GIT2: variants seen among roughly 807,000 people sequenced by gnomAD.
The protein encoded by GIT2 is GIT ArfGAP 2.
GIT2 carries 32 observed loss-of-function variants against 100.3 expected under a neutral mutation model. The observed-to-expected ratio is 0.32, with a 90% CI of 0.24 to 0.43. GIT2 has a LOEUF of 0.43. Ranked by LOEUF, GIT2 falls within the 20% of genes least tolerant of loss-of-function variation. The pLI, the probability that GIT2 is intolerant of heterozygous loss-of-function variation, is 1.00. For missense variants in GIT2, 737 were observed against 975.1 expected, an observed-to-expected ratio of 0.76 and a Z score of 3.25; for synonymous variants, 353 against 364.1, an observed-to-expected ratio of 0.97 and a Z score of 0.35.
Position 109,987,853 on chromosome 12 carries a change from T to C in GIT2, c.405+1110A>G, listed in dbSNP as rs74928838. Among the ~76,000 whole-genome samples, 380 of 152,352 alleles carry C rather than the reference T, an allele frequency of 2.5e-3. 16 individuals carry two copies. The East Asian group carries it at 0.071, about 28-fold the overall frequency. ...TATCCAAGGCAGCGCTTTGAAAATA[T>C]GCACATTTCTTACAGCATCTCTCAA... On this transcript the variant is annotated intron_variant, in intron 4 of 19. Transcript: ENST00000355312.
intron 12 of GIT2, among the ~76,000 whole-genome samples, chr12:109,955,391 G>C (rs1879151025): frequency 6.6e-6 from 1 of 152,170 alleles, no homozygotes; most frequent in Non-Finnish European, 1.5e-5. Context: ...CTCCCAAAGT[G>C]CTGGGATTAC....
At chr12:109,999,562 G>A (rs887813480), upstream of GIT2, 2 of 666,528 alleles carry the variant, frequency 3.0e-6, no homozygotes, top group Non-Finnish European at 2.1e-6. This position sits in a 1 kb window ranked among gnomAD's most constrained non-coding sequence, Gnocchi z 4.3. Context: ...GGCTCAGCCG[G>A]CCGGCAGCGT....
chr12:109,953,398 T>G (rs1188462657), intron 12 of GIT2, 164 bp from the exon 13 acceptor site: 3 of 644,160 alleles, frequency 4.7e-6, no homozygotes, highest in Middle Eastern at 8.5e-4. Flanking sequence ...GGAGGAGAAC[T>G]GCTTGAGGCC....
chr12:109,985,257 T>C (rs1471856919), intron 4 of GIT2, among the ~76,000 whole-genome samples: 1 of 152,088 alleles, frequency 6.6e-6, no homozygotes, highest in Admixed American at 6.6e-5. Context: ...GATGTGCCAC[T>C]GTGCCTAATT....
At position 109,947,283 on chromosome 12, in the gene GIT2, C is replaced by A; in HGVS notation, c.1614G>T (p.Arg538Ser). The A allele has an allele frequency of 6.2e-7, 1 of 1,614,108 alleles. No homozygotes were observed. Among genetic ancestry groups the A allele is most frequent in the East Asian group, 2.2e-5 (1 of 44,884 alleles). ...MGEASRPEES[R>S]MRLQPFPAHI... is the part of the protein sequence containing the mutation. ...GCGCGGGGAAGGGCTGGAGTCTCAT[C>A]CTGCTCTCTTCGGGGCGGCTCGCTT... The change falls in exon 15 of 20, where the codon AGG becomes AGT. Residue 538 changes from arginine to serine, a missense_variant. This residue lies in a region of GIT2 where 451 missense variants were observed against 543.7 expected (regional missense o/e 0.83). Transcript: ENST00000355312. This position sits in a 1 kb window ranked among gnomAD's most constrained non-coding sequence, Gnocchi z 4.3.
chr12:109,947,775 C>T lies in GIT2; in HGVS notation c.1393-271G>A, dbSNP rs752244454. The T allele has an allele frequency of 5.4e-5, 22 of 406,386 alleles. No individual in the cohort carries two copies. Among genetic ancestry groups the T allele is most frequent in the Non-Finnish European group, 8.9e-5 (20 of 223,644 alleles). 25.2% of individuals were successfully genotyped at this position (406,386 alleles called of 1,614,324 possible). A position where few individuals can be genotyped will look rare whatever the true frequency, so the allele number is the denominator to read the frequency against. ...GACTTCCTCAAAACAAAATGTCTAA[C>T]CACTTTAAAATTTGTCATGGTGGGG... is the stretch of plus-strand genomic sequence containing the variant. On this transcript the variant is annotated intron_variant, in intron 14 of 19. Coordinates refer to ENST00000355312, the MANE Select transcript of GIT2 (RefSeq NM_057169.5). This position sits in a 1 kb window ranked among gnomAD's most constrained non-coding sequence, Gnocchi z 4.3.
At chr12:109,981,689 T>G (rs1886348769) in intron 6 of GIT2, 1 of 152,342 alleles carries the variant, frequency 6.6e-6, no homozygotes, top group Non-Finnish European at 1.5e-5. Flanking sequence ...AATAAATACT[T>G]AGGCTGCTTA....
intron 6 of GIT2, chr12:109,981,247 GCCTTT>G: frequency 2.0e-6 from 1 of 493,636 alleles, no homozygotes; most frequent in Non-Finnish European, 3.6e-6. Context: ...CTGAACTATC[GCCTTT>G]CCTTTATTAA....
rs1196410627 is a variant in GIT2, at chr12:109,947,931, C to T, written c.1393-427G>A. Reference sequence around the variant, plus strand: ...TGAGCCCTGAGCAATTTGTAAAGGCCAAAAATGACAGCAGACACCATGGAA... The same window carrying T: ...TGAGCCCTGAGCAATTTGTAAAGGCTAAAAATGACAGCAGACACCATGGAA... On this transcript the variant is annotated intron_variant, in intron 14 of 19. Transcript: ENST00000355312. The surrounding 1 kb of genome is among the most constrained non-coding windows in gnomAD (Gnocchi z 4.3). 1 of 174,704 alleles carries T rather than the reference C, an allele frequency of 5.7e-6. No individual in the cohort carries two copies. The highest frequency in any genetic ancestry group is 2.4e-5 in the African/African-American group (1 of 41,710). 10.8% of individuals were successfully genotyped at this position (174,704 alleles called of 1,614,324 possible).
chr12:109,960,300 T>C (rs970039945), intron 11 of GIT2, among the ~76,000 whole-genome samples: 5 of 152,226 alleles, frequency 3.3e-5, no homozygotes, highest in Non-Finnish European at 5.9e-5. Context: ...GACCCAGTAA[T>C]AATAAATTAA....
At chr12:109,980,399 A>T (rs947785364) in intron 7 of GIT2, among the ~76,000 whole-genome samples, 2 of 151,326 alleles carry the variant, frequency 1.3e-5, no homozygotes, top group African/African-American at 2.4e-5. Context: ...ATTTATTTTT[A>T]TTTATTTATT....
At position 109,961,311 on chromosome 12, in the gene GIT2, C is replaced by A; in HGVS notation, c.954G>T (p.Pro318=). The change falls in exon 11 of 20, where the codon CCG becomes CCT. Residue 318 remains proline, a synonymous_variant. Coordinates refer to ENST00000355312, the MANE Select transcript of GIT2 (RefSeq NM_057169.5). ...GTGTTGATGAGTACTCAGGATTGAC[C>A]GGAAGAAAGGGGACGACCGTTGTCT... ...VTETTVVPFL[P]VNPEYSSTRN... is the part of the protein sequence containing the mutation. 6.2e-7 allele frequency: 1 copy of A among 1,612,908 alleles called. No individual in the cohort carries two copies. The highest frequency in any genetic ancestry group is 8.5e-7 in the Non-Finnish European group (1 of 1,179,046).
rs1889128076 is a variant in GIT2, at chr12:109,995,255, G to A, written c.52+918C>T. On this transcript the variant is annotated intron_variant, in intron 1 of 19. Transcript: ENST00000355312. ...ATCTCTAAATGTGAATATTATGTATGAACAGTTATGCATCATTATGAAGGA... is the reference window on the plus strand; with the variant it reads ...ATCTCTAAATGTGAATATTATGTATAAACAGTTATGCATCATTATGAAGGA... 5.3e-5 allele frequency among the ~76,000 whole-genome samples: 8 copies of A among 152,266 alleles called. 1 individual carries two copies. The South Asian group carries it at 1.7e-3, about 32-fold the overall frequency.
At chr12:109,961,148 G>C (rs988451519) in intron 11 of GIT2, 130 bp downstream of exon 11, 1 of 546,302 alleles carries the variant, frequency 1.8e-6, no homozygotes, top group Non-Finnish European at 3.3e-6. Flanking sequence ...TGGGGGTTGT[G>C]TGTGTATATA....
At chr12:109,990,209 T>C (rs1204628241) in intron 2 of GIT2, among the ~76,000 whole-genome samples, 1 of 152,226 alleles carries the variant, frequency 6.6e-6, no homozygotes, top group Non-Finnish European at 1.5e-5. Flanking sequence ...GTGCTAGTTA[T>C]AGCTTTCCCA....
chr12:109,955,610 C>A (rs2136321097), intron 12 of GIT2, among the ~76,000 whole-genome samples: 2 of 152,326 alleles, frequency 1.3e-5, no homozygotes, highest in Non-Finnish European at 2.9e-5. Context: ...ATAAATCATG[C>A]CTGAATGATG....
At position 109,945,110 on chromosome 12, in the gene GIT2, C is replaced by T. The variant is rs1036213108; in HGVS notation, c.1731+150G>A. On this transcript the variant is annotated intron_variant, in intron 16 of 19. Coordinates refer to ENST00000355312, the MANE Select transcript of GIT2 (RefSeq NM_057169.5). ...GAGCGTGCATGTGGACGAGTGTGAG[C>T]CTGATGCACTGTGAGAAACCAGGAG... 2.0e-5 allele frequency: 12 copies of T among 611,376 alleles called. No homozygotes were observed. The Admixed American group carries it at 2.6e-4, about 13-fold the overall frequency. The allele number at this position is 611,376 out of a possible 1,614,324, so 37.9% of individuals were successfully genotyped here. A position where few individuals can be genotyped will look rare whatever the true frequency, so the allele number is the denominator to read the frequency against.
At position 109,936,445 on chromosome 12, in the gene GIT2, G is replaced by A. The variant is rs1047474149; in HGVS notation, c.2003+1935C>T. On this transcript the variant is annotated intron_variant, in intron 18 of 19. Transcript: ENST00000355312. ...TGACAAAGACAGCAATATAAGGCAA[G>A]CACATTTTAGTTTGAAATACAAGCA... 1.6e-4 allele frequency among the ~76,000 whole-genome samples: 24 copies of A among 152,200 alleles called. 1 individual carries two copies. The highest frequency in any genetic ancestry group is 2.9e-5 in the Non-Finnish European group (2 of 68,026).
chr12:109,933,332 C>CGAG lies in GIT2; in HGVS notation c.2068-143_2068-142insCTC. 1.6e-6 allele frequency: 1 copy of CGAG among 606,638 alleles called. No individual in the cohort carries two copies. The highest frequency in any genetic ancestry group is 2.8e-5 in the East Asian group (1 of 36,254). 37.6% of individuals were successfully genotyped at this position (606,638 alleles called of 1,614,324 possible). ...CCTGCCCTTTCTCAAAGGGGTGCTT[C>CGAG]ACACACTCCAAGCTTTGCAGCCCAC... On this transcript the variant is annotated intron_variant, in intron 19 of 19. Coordinates refer to ENST00000355312, the MANE Select transcript of GIT2 (RefSeq NM_057169.5). This position sits in a 1 kb window ranked among gnomAD's most constrained non-coding sequence, Gnocchi z 4.5.
Sources: gnomAD v4.1 joint callset for allele counts (sites outside exome capture counted in the v4.1 genomes callset) on GRCh38, gnomAD v4.1.1 for gene constraint, gnomAD v4.1.1 regional missense constraint, Gnocchi (gnomAD v3.1) non-coding constraint, MANE v1.5 for transcripts, NCBI Gene and HGNC (gene_info 2026-07-23, HGNC 2026-07-21) for gene names.